Variants in PARD3B observed in about 807,000 individuals in gnomAD.
PARD3B encodes par-3 family cell polarity regulator beta, also known as partitioning defective 3 homolog B.
A neutral mutation model predicts 130.2 loss-of-function variants in PARD3B; 103 were observed. That is an observed-to-expected ratio of 0.79 (90% confidence interval 0.67 to 0.93). The LOEUF (loss-of-function observed/expected upper bound fraction) is 0.93, where lower values mean the gene tolerates loss of function less well. PARD3B is among the 40% of genes least tolerant of loss of function. The pLI, the probability that PARD3B is intolerant of heterozygous loss-of-function variation, is 0.00. For missense variants in PARD3B, 1,609 were observed against 1,499.2 expected, an observed-to-expected ratio of 1.07 and a Z score of -1.21; for synonymous variants, 583 against 553.2, an observed-to-expected ratio of 1.05 and a Z score of -0.76.
intron 6 of PARD3B, among the ~76,000 whole-genome samples, chr2:205,115,172 A>C (rs911679765): frequency 6.6e-6 from 1 of 152,160 alleles, no homozygotes; most frequent in African/African-American, 2.4e-5. Flanking sequence ...ATCAGAAATC[A>C]CATTCTCTCA....
At chr2:205,117,014 A>T (rs542999190) in intron 6 of PARD3B, among the ~76,000 whole-genome samples, 1 of 152,172 alleles carries the variant, frequency 6.6e-6, no homozygotes, top group Admixed American at 6.5e-5. Flanking sequence ...CTGATGATGT[A>T]CTGAATTAAA....
intron 22 of PARD3B, among the ~76,000 whole-genome samples, chr2:205,588,623 C>T (rs2054279837): frequency 1.3e-5 from 2 of 152,102 alleles, no homozygotes; most frequent in Admixed American, 1.3e-4. Context: ...TTAAGAGTCA[C>T]CCGTAACCTT....
At chr2:205,342,529 G>A (rs1327499302) in intron 18 of PARD3B, among the ~76,000 whole-genome samples, 1 of 152,112 alleles carries the variant, frequency 6.6e-6, no homozygotes, top group Non-Finnish European at 1.5e-5. Flanking sequence ...GAAAAGCTTA[G>A]ACAAATTACT....
At chr2:205,134,786 G>T (rs1445505161) in intron 10 of PARD3B, among the ~76,000 whole-genome samples, 2 of 152,188 alleles carry the variant, frequency 1.3e-5, no homozygotes, top group African/African-American at 4.8e-5. Context: ...AAATGCTGTG[G>T]TTCAGCATTA....
At chr2:204,960,634 G>T (rs1353068683) in intron 2 of PARD3B, among the ~76,000 whole-genome samples, 1 of 152,060 alleles carries the variant, frequency 6.6e-6, no homozygotes, top group African/African-American at 2.4e-5. Context: ...TTAGGTTTTA[G>T]TATCTGTTTG....
intron 18 of PARD3B, among the ~76,000 whole-genome samples, chr2:205,381,601 C>A (rs900604538): frequency 2.6e-5 from 4 of 151,894 alleles, no homozygotes; most frequent in African/African-American, 7.3e-5. Context: ...TTCCAGCTAG[C>A]GTTAATGCCA....
intron 2 of PARD3B, among the ~76,000 whole-genome samples, chr2:204,879,475 G>A (rs559977296): frequency 6.6e-6 from 1 of 152,308 alleles, no homozygotes; most frequent in East Asian, 1.9e-4. Context: ...CATGTGTGTT[G>A]ACACTAATCA....
At chr2:205,252,850 C>CA (rs764441151) in intron 16 of PARD3B, among the ~76,000 whole-genome samples, 6 of 101,120 alleles carry the variant, frequency 5.9e-5, no homozygotes, top group African/African-American at 1.1e-4. Context: ...CCCCCCCCCC[C>CA]ACCAAAAAAA....
chr2:205,413,225 C>T (rs2046659738), intron 19 of PARD3B, among the ~76,000 whole-genome samples: 1 of 152,052 alleles, frequency 6.6e-6, no homozygotes, highest in African/African-American at 2.4e-5. Context: ...ACATGAAATA[C>T]TTAAAGTACC....
intron 15 of PARD3B, 131 bp from the exon 16 acceptor site, chr2:205,245,647 G>GA (rs1464761514): frequency 9.2e-6 from 6 of 650,034 alleles, no homozygotes; most frequent in Non-Finnish European, 1.3e-5. Flanking sequence ...TAGGCTGGGA[G>GA]AAAAAAATGT....
intron 20 of PARD3B, among the ~76,000 whole-genome samples, chr2:205,465,949 C>T (rs890207551): frequency 6.6e-6 from 1 of 152,212 alleles, no homozygotes. Context: ...AGGTGGTCAG[C>T]TTCCATGGGG....
intron 2 of PARD3B, among the ~76,000 whole-genome samples, chr2:204,864,284 C>T (rs1189872773): frequency 6.6e-6 from 1 of 152,114 alleles, no homozygotes; most frequent in Non-Finnish European, 1.5e-5. Context: ...TAAAACCATC[C>T]AGTCACAATA....
intron 22 of PARD3B, among the ~76,000 whole-genome samples, chr2:205,606,270 C>T (rs1268666280): frequency 6.6e-6 from 1 of 152,102 alleles, no homozygotes; most frequent in Non-Finnish European, 1.5e-5. Context: ...ATCTCCTGAT[C>T]CATGGGTTAC....
chr2:205,483,764 A>T (rs1443133213), intron 20 of PARD3B, among the ~76,000 whole-genome samples: 2 of 152,224 alleles, frequency 1.3e-5, no homozygotes, highest in Non-Finnish European at 2.9e-5. Flanking sequence ...GTAAATATAT[A>T]AAGAAATAAC....
At chr2:204,580,270 CG>C (rs988603731) in intron 1 of PARD3B, among the ~76,000 whole-genome samples, 1 of 152,044 alleles carries the variant, frequency 6.6e-6, no homozygotes, top group Admixed American at 6.5e-5. Context: ...TTCCATCCTC[CG>C]TCCTGGACTG....
intron 2 of PARD3B, among the ~76,000 whole-genome samples, chr2:204,790,550 A>T (rs2042165136): frequency 6.6e-6 from 1 of 152,134 alleles, no homozygotes; most frequent in African/African-American, 2.4e-5. Flanking sequence ...GGTACCAGTG[A>T]CTGACTGAAT....
chr2:204,729,998 A>AAACACAC (rs2039426555), intron 2 of PARD3B, among the ~76,000 whole-genome samples: 4 of 141,462 alleles, frequency 2.8e-5, no homozygotes, highest in East Asian at 4.2e-4. Flanking sequence ...CACACACACA[A>AAACACAC]ACACACACAC....
At chr2:205,137,002 A>G (rs1242526631) in intron 10 of PARD3B, among the ~76,000 whole-genome samples, 1 of 152,208 alleles carries the variant, frequency 6.6e-6, no homozygotes, top group Non-Finnish European at 1.5e-5. Flanking sequence ...ATGTACTAAA[A>G]CATGATTCTT....
chr2:204,894,194 G>A (rs2046555933), intron 2 of PARD3B, among the ~76,000 whole-genome samples: 1 of 152,110 alleles, frequency 6.6e-6, no homozygotes, highest in Non-Finnish European at 1.5e-5. Flanking sequence ...AATTATACAT[G>A]TTGGTATTCA....
Sources: allele counts gnomAD v4.1 joint callset (sites outside exome capture counted in the v4.1 genomes callset), GRCh38; gene constraint gnomAD v4.1.1; transcripts MANE v1.5; gene names NCBI Gene and HGNC (gene_info 2026-07-23, HGNC 2026-07-21).